Variants in KCNK9 observed in about 807,000 individuals in gnomAD.
KCNK9 encodes potassium two pore domain channel subfamily K member 9.
In KCNK9, 1 loss-of-function variant was observed where a neutral mutation model predicts 10.8. That is an observed-to-expected ratio of 0.09 (90% CI 0.03 to 0.44). The LOEUF is 0.44. Ranked by LOEUF, KCNK9 falls within the 20% of genes least tolerant of loss-of-function variation. KCNK9 has a pLI of 0.97. For missense variants in KCNK9, 303 were observed against 515.0 expected (o/e 0.59, Z 3.98); for synonymous variants, 231 against 222.7 (o/e 1.04, Z -0.33).
downstream of KCNK9, among the ~76,000 whole-genome samples, chr8:139,607,884 T>C (rs973481559): frequency 2.0e-5 from 3 of 152,128 alleles, no homozygotes; most frequent in African/African-American, 7.2e-5. Context: ...TCACCTGGCC[T>C]TTTCATCTTT....
intron 1 of KCNK9, among the ~76,000 whole-genome samples, chr8:139,699,173 G>A (rs551009354): frequency 6.6e-6 from 1 of 152,318 alleles, no homozygotes; most frequent in East Asian, 1.9e-4. Flanking sequence ...TAATGATCCT[G>A]AAGGTGATAA....
At chr8:139,678,105 A>G (rs1816604889) in intron 1 of KCNK9, among the ~76,000 whole-genome samples, 1 of 152,136 alleles carries the variant, frequency 6.6e-6, no homozygotes. Context: ...CTGGTGCCAA[A>G]GGCTGCCCCC....
At chr8:139,680,947 C>T (rs757903844) in intron 1 of KCNK9, among the ~76,000 whole-genome samples, 2 of 152,196 alleles carry the variant, frequency 1.3e-5, no homozygotes, top group Non-Finnish European at 2.9e-5. Context: ...ATCAGCCCCT[C>T]TCCTCCCACA....
intron 1 of KCNK9, among the ~76,000 whole-genome samples, chr8:139,685,411 T>C (rs1297502283): frequency 6.6e-6 from 1 of 152,200 alleles, no homozygotes; most frequent in Admixed American, 6.5e-5. Context: ...TAGGTATTTC[T>C]CCTAACGCTA....
chr8:139,692,781 G>A lies in KCNK9; in HGVS notation c.283+9929C>T, dbSNP rs149239642. The stretch of plus-strand genomic sequence containing the variant: ...TCAGTGGCAATCAGCTCCCCCCCAC[G>A]TCCAACTGAATGCCCATGCCCTGGC... On this transcript the variant is annotated intron_variant, in intron 1 of 1. Coordinates refer to ENST00000520439, the MANE Select transcript of KCNK9 (RefSeq NM_001282534.2). Among the ~76,000 whole-genome samples, 456 of 152,210 alleles carry A rather than the reference G, an allele frequency of 3.0e-3. 1 individual carries two copies. Among genetic ancestry groups the A allele is most frequent in the Middle Eastern group, 6.8e-3 (2 of 294 alleles).
chr8:139,700,509 C>CACACACGT (rs1554628677), intron 1 of KCNK9, among the ~76,000 whole-genome samples: 2 of 110,182 alleles, frequency 1.8e-5, no homozygotes, highest in Admixed American at 1.8e-4. Flanking sequence ...CACACACACA[C>CACACACGT]GCGCGCGCGC....
In KCNK9 at chr8:139,681,892, GAC is replaced by G. The variant is rs1193065175; in HGVS notation, c.283+20816_283+20817del. On this transcript the variant is annotated intron_variant, in intron 1 of 1. Transcript: ENST00000520439. Reference sequence around the variant, plus strand: ...CACAGCCATGCCTGGAGCTCAGGGAGACACCAGGAAAGATGGCCCAGACCCAG... The same window carrying G: ...CACAGCCATGCCTGGAGCTCAGGGAGACCAGGAAAGATGGCCCAGACCCAG... 2.0e-5 allele frequency among the ~76,000 whole-genome samples: 3 copies of G among 152,230 alleles called. No homozygotes were observed. In the East Asian group the frequency reaches 5.8e-4, roughly 29 times the overall value.
Position 139,702,997 on chromosome 8 carries a change from G to T in KCNK9, c.-5C>A. On this transcript the variant is annotated 5_prime_UTR_variant, in exon 1 of 2. Coordinates refer to ENST00000520439, the MANE Select transcript of KCNK9 (RefSeq NM_001282534.2). This position sits in a 1 kb window ranked among gnomAD's most constrained non-coding sequence, Gnocchi z 7.5. The stretch of plus-strand genomic sequence containing the variant: ...CCGCACGTTCTGCCTCTTCATGGCC[G>T]CCAGCAAGGAGCCGGCGCGGGGGGC... 2 of 1,562,006 alleles carry T rather than the reference G, an allele frequency of 1.3e-6. No individual in the cohort carries two copies. Among genetic ancestry groups the T allele is most frequent in the Non-Finnish European group, 8.6e-7 (1 of 1,156,324 alleles).
chr8:139,641,059 C>G (rs1221565822), intron 1 of KCNK9, among the ~76,000 whole-genome samples: 2 of 152,222 alleles, frequency 1.3e-5, no homozygotes, highest in Non-Finnish European at 2.9e-5. Flanking sequence ...TGCCCAGGGC[C>G]TGGCAGCAAG....
intron 1 of KCNK9, among the ~76,000 whole-genome samples, chr8:139,691,376 T>C (rs995286677): frequency 6.6e-6 from 1 of 152,280 alleles, no homozygotes; most frequent in Non-Finnish European, 1.5e-5. Flanking sequence ...CCTGAAATAG[T>C]AAGAACATCA....
At chr8:139,624,482 C>T (rs1349658284) in intron 1 of KCNK9, among the ~76,000 whole-genome samples, 1 of 152,202 alleles carries the variant, frequency 6.6e-6, no homozygotes, top group African/African-American at 2.4e-5. Flanking sequence ...GCCCCTGCAT[C>T]ACTCAGTGCT....
intron 1 of KCNK9, among the ~76,000 whole-genome samples, chr8:139,650,802 C>T (rs1815840249): frequency 1.3e-5 from 2 of 152,130 alleles, no homozygotes; most frequent in Non-Finnish European, 2.9e-5. Flanking sequence ...GGGAGGGAAG[C>T]AGCAGCCCCA....
intron 1 of KCNK9, among the ~76,000 whole-genome samples, chr8:139,664,262 C>G (rs1317874320): frequency 6.6e-6 from 1 of 152,180 alleles, no homozygotes; most frequent in Non-Finnish European, 1.5e-5. Flanking sequence ...GACTTCTCTG[C>G]AGTCCTTTCC....
rs138318234 is a variant in KCNK9, at chr8:139,606,643, C to T, written c.*1-5042G>A. 2.7e-3 allele frequency among the ~76,000 whole-genome samples: 410 copies of T among 152,282 alleles called. 1 individual carries two copies. Among genetic ancestry groups the T allele is most frequent in the African/African-American group, 9.6e-3 (397 of 41,562 alleles). On this transcript the variant is annotated intron_variant, in intron 2 of 2. Coordinates refer to the KCNK9 transcript ENST00000650269. ...ACACAGTTGGCTGAAGTAAAAAATA[C>T]TGTACATCTAAGAGGGATTATCAGC... is the stretch of plus-strand genomic sequence containing the variant.
chr8:139,630,064 AGCGGGCGTGGGGG>A (rs1465570103), intron 1 of KCNK9, among the ~76,000 whole-genome samples: 6 of 143,316 alleles, frequency 4.2e-5, no homozygotes, highest in African/African-American at 1.0e-4. Context: ...TTGCGGGGGG[AGCGGGCGTGGGGG>A]GCGGCGCGAA....
chr8:139,691,180 TG>T (rs1345343341), intron 1 of KCNK9, among the ~76,000 whole-genome samples: 1 of 152,090 alleles, frequency 6.6e-6, no homozygotes, highest in Non-Finnish European at 1.5e-5. Context: ...GGAGCTGAAA[TG>T]GGTCTACAGG....
intron 1 of KCNK9, among the ~76,000 whole-genome samples, chr8:139,683,585 G>T (rs890233709): frequency 6.6e-6 from 1 of 152,238 alleles, no homozygotes; most frequent in African/African-American, 2.4e-5. Flanking sequence ...CCCAGACGGG[G>T]AAGCCAGGTC....
downstream of KCNK9, among the ~76,000 whole-genome samples, chr8:139,608,972 T>C (rs1244088235): frequency 6.6e-6 from 1 of 152,054 alleles, no homozygotes; most frequent in Non-Finnish European, 1.5e-5. Flanking sequence ...TAATGCCTGC[T>C]GATGTGAAAT....
chr8:139,640,383 G>C (rs754241128), intron 1 of KCNK9, among the ~76,000 whole-genome samples: 1 of 152,178 alleles, frequency 6.6e-6, no homozygotes, highest in Non-Finnish European at 1.5e-5. Context: ...GAACCAAGTT[G>C]AGTAAGGCTG....
Sources: allele counts gnomAD v4.1 joint callset (sites outside exome capture counted in the v4.1 genomes callset), GRCh38; gene constraint gnomAD v4.1.1; non-coding constraint Gnocchi (gnomAD v3.1); transcripts MANE v1.5; gene names NCBI Gene and HGNC (gene_info 2026-07-23, HGNC 2026-07-21).